The following SNRK variants were observed in gnomAD, a reference collection of about 807,000 sequenced individuals.
SNRK encodes SNF related kinase, also known as SNF-related serine/threonine-protein kinase.
A neutral mutation model predicts 48.2 loss-of-function variants in SNRK; 3 were observed. The observed-to-expected ratio is 0.06, with a 90% CI of 0.03 to 0.16. The LOEUF (loss-of-function observed/expected upper bound fraction) is 0.16. SNRK is among the 10% of genes least tolerant of loss of function. SNRK has a pLI of 1.00. For missense variants in SNRK, 627 were observed against 976.0 expected (o/e 0.64, Z 4.76); for synonymous variants, 376 against 366.1 (o/e 1.03, Z -0.31).
At chr3:43,306,967 G>T (rs2090942503) in intron 3 of SNRK, among the ~76,000 whole-genome samples, 1 of 152,058 alleles carries the variant, frequency 6.6e-6, no homozygotes, top group South Asian at 2.1e-4. Flanking sequence ...TTGATACATG[G>T]TAATTCATAC....
chr3:43,342,749 G>A (rs1326361466), intron 5 of SNRK, among the ~76,000 whole-genome samples: 3 of 152,178 alleles, frequency 2.0e-5, no homozygotes, highest in African/African-American at 4.8e-5. Flanking sequence ...AGCCAGACTA[G>A]GTACTCGGTG....
intron 3 of SNRK, among the ~76,000 whole-genome samples, chr3:43,327,475 GCT>G (rs2091104963): frequency 1.3e-5 from 2 of 152,230 alleles, no homozygotes; most frequent in South Asian, 4.1e-4. Context: ...TAGTTCTATT[GCT>G]TCTTTCATTA....
chr3:43,296,483 G>A (rs772448491), intron 1 of SNRK, among the ~76,000 whole-genome samples: 13 of 142,866 alleles, frequency 9.1e-5, no homozygotes, highest in African/African-American at 2.8e-4. Flanking sequence ...AATATTGGTC[G>A]TCTGATTTTG....
At position 43,340,462 on chromosome 3, in the gene SNRK, G is replaced by T. The variant is rs1313576307; in HGVS notation, c.907G>T (p.Val303Leu). 1 of 1,614,064 alleles carries T rather than the reference G, an allele frequency of 6.2e-7. No homozygotes were observed. Among genetic ancestry groups the T allele is most frequent in the Non-Finnish European group, 8.5e-7 (1 of 1,180,048 alleles). The change falls in exon 5 of 7, where the codon GTG becomes TTG. Residue 303 changes from valine to leucine, a missense_variant. Transcript: ENST00000296088. ...GCACAACAGCATCATTCAGCGCATGGTGCTTGGGGACATAGCGGATCGAGA... is the reference window on the plus strand; with the variant it reads ...GCACAACAGCATCATTCAGCGCATGTTGCTTGGGGACATAGCGGATCGAGA... ...EEHNSIIQRM[V>L]LGDIADRDAI...
rs572266238 is a variant in SNRK at position 43,343,170 on chromosome 3, TTGAG to T, written c.945-170_945-167del. Reference sequence around the variant, plus strand: ...TTTTTATGCAGTTGTTTTTAGAACTTTGAGTGACCTAAATAACTACTAGTTTGGT... The same window carrying T: ...TTTTTATGCAGTTGTTTTTAGAACTTTGACCTAAATAACTACTAGTTTGGT... On this transcript the variant is annotated intron_variant, in intron 5 of 6. Transcript: ENST00000296088. 3.3e-4 allele frequency: 241 copies of T among 730,518 alleles called. 2 individuals are homozygous for T. In the South Asian group the frequency reaches 5.6e-3, roughly 17 times the overall value. The allele number at this position is 730,518 out of a possible 1,614,324, so 45.3% of individuals were successfully genotyped here. A position where few individuals can be genotyped will look rare whatever the true frequency, so the allele number is the denominator to read the frequency against.
chr3:43,344,510 C>G (rs976909557), intron 6 of SNRK, among the ~76,000 whole-genome samples: 2 of 152,094 alleles, frequency 1.3e-5, no homozygotes, highest in Non-Finnish European at 2.9e-5. Flanking sequence ...AAGTTACTTG[C>G]AGTTGGCTCG....
intron 1 of SNRK, among the ~76,000 whole-genome samples, chr3:43,286,979 G>A (rs2090769922): frequency 6.8e-6 from 1 of 147,036 alleles, no homozygotes; most frequent in South Asian, 2.1e-4. Flanking sequence ...TGCCCTTGCG[G>A]CCGCGGCGGG....
At chr3:43,317,315 G>T (rs1356346212) in intron 3 of SNRK, among the ~76,000 whole-genome samples, 1 of 152,170 alleles carries the variant, frequency 6.6e-6, no homozygotes, top group African/African-American at 2.4e-5. Flanking sequence ...GATGTGGAAA[G>T]TTCCAGATGA....
rs2091290924 is a variant in SNRK at position 43,348,004 on chromosome 3, G to T, written c.1745G>T (p.Gly582Val). Reference sequence around the variant, plus strand: ...CCTGGCAGTGAGGGGGATGGCGGGGGCCAGAGCAAGCCAAGCAATGCCAGT... The same window carrying T: ...CCTGGCAGTGAGGGGGATGGCGGGGTCCAGAGCAAGCCAAGCAATGCCAGT... ...GPPGSEGDGG[G>V]QSKPSNASGG... The change falls in exon 7 of 7, where the codon GGC becomes GTC. Residue 582 changes from glycine (G) to valine (V), a missense_variant. Gly to Val is a moderately radical substitution (Grantham distance 109). Around this residue, in one of 4 missense-constraint regions of SNRK, gnomAD observed 98 missense variants for 175.2 expected, o/e 0.56. Coordinates refer to ENST00000296088, the MANE Select transcript of SNRK (RefSeq NM_017719.5). The T allele has an allele frequency of 1.2e-6, 2 of 1,612,820 alleles. No homozygotes were observed. The highest frequency in any genetic ancestry group is 1.7e-6 in the Non-Finnish European group (2 of 1,179,370).
intron 3 of SNRK, among the ~76,000 whole-genome samples, chr3:43,308,647 T>G (rs2090956127): frequency 6.6e-6 from 1 of 152,200 alleles, no homozygotes; most frequent in Admixed American, 6.5e-5. Context: ...AAAAAAACAT[T>G]CCTTTTAAAA....
At chr3:43,330,357 T>C (rs1164213919) in intron 3 of SNRK, among the ~76,000 whole-genome samples, 1 of 152,216 alleles carries the variant, frequency 6.6e-6, no homozygotes, top group Non-Finnish European at 1.5e-5. Context: ...GCATTTACTT[T>C]ACAGTGAATT....
chr3:43,324,364 C>T (rs113988997), intron 3 of SNRK, among the ~76,000 whole-genome samples: 29 of 152,230 alleles, frequency 1.9e-4, no homozygotes, highest in Non-Finnish European at 3.4e-4. Context: ...CAAAAATTAG[C>T]CAGGCCTGGT....
intron 3 of SNRK, among the ~76,000 whole-genome samples, chr3:43,313,601 A>T (rs938045406): frequency 1.3e-5 from 2 of 152,172 alleles, no homozygotes. Flanking sequence ...GTGATGGAGC[A>T]CTTCTGTGTC....
At position 43,348,626 on chromosome 3, in the gene SNRK, C is replaced by G. The variant is rs1379738828; in HGVS notation, c.*69C>G. The G allele has an allele frequency of 5.0e-6, 7 of 1,412,444 alleles. No individual in the cohort carries two copies. The African/African-American group carries it at 8.7e-5, about 18-fold the overall frequency. The allele number at this position is 1,412,444 out of a possible 1,614,324, so 87.5% of individuals were successfully genotyped here. On this transcript the variant is annotated 3_prime_UTR_variant, in exon 7 of 7. Transcript: ENST00000296088. ...GTGAAGACCGGCTCACTTCACTGTT[C>G]CATTTGGTTTTACTATTTTAAAGTG...
chr3:43,306,315 T>C (rs563656663), intron 3 of SNRK, among the ~76,000 whole-genome samples: 45 of 152,294 alleles, frequency 3.0e-4, no homozygotes, highest in African/African-American at 1.0e-3. Context: ...CACAAATGTT[T>C]AGTAAAATGA....
rs534170554 is a variant in SNRK at position 43,349,216 on chromosome 3, G to T, written c.*659G>T. ...AGATTTCCTTGTTTTTGTAATAGGTGAGATAAAGTACTTAGATTTATAAGG... is the reference window on the plus strand; with the variant it reads ...AGATTTCCTTGTTTTTGTAATAGGTTAGATAAAGTACTTAGATTTATAAGG... On this transcript the variant is annotated 3_prime_UTR_variant, in exon 7 of 7. Transcript: ENST00000296088. 1 of 152,660 alleles carries T rather than the reference G, an allele frequency of 6.6e-6. No individual in the cohort carries two copies. The highest frequency in any genetic ancestry group is 6.5e-5 in the Admixed American group (1 of 15,288). The allele number at this position is 152,660 out of a possible 1,614,324, so 9.5% of individuals were successfully genotyped here. A position where few individuals can be genotyped will look rare whatever the true frequency, so the allele number is the denominator to read the frequency against.
Position 43,347,881 on chromosome 3 carries a change from C to T in SNRK, c.1622C>T (p.Ser541Leu), listed in dbSNP as rs1396607962. 3 of 1,614,012 alleles carry T rather than the reference C, an allele frequency of 1.9e-6. No homozygotes were observed. The highest frequency in any genetic ancestry group is 1.3e-5 in the African/African-American group (1 of 74,912). ...SQGRGSSCSS[S>L]ETSDDDSESR... is the part of the protein sequence containing the mutation. ...GGCCGGGGCTCCAGCTGCAGTAGTTCGGAGACCAGTGATGATGATTCTGAA... is the reference window on the plus strand; with the variant it reads ...GGCCGGGGCTCCAGCTGCAGTAGTTTGGAGACCAGTGATGATGATTCTGAA... Residue 541 changes from serine to leucine, a missense_variant, in exon 7 of 7, where the codon TCG becomes TTG. Ser to Leu is a moderately radical substitution (Grantham distance 145, BLOSUM62 -2). Around this residue, in one of 4 missense-constraint regions of SNRK, gnomAD observed 98 missense variants for 175.2 expected, o/e 0.56. Transcript: ENST00000296088. The surrounding 1 kb of genome is among the most constrained non-coding windows in gnomAD (Gnocchi z 5.4).
chr3:43,305,774 C>T (rs1444555792), intron 3 of SNRK, among the ~76,000 whole-genome samples: 2 of 152,092 alleles, frequency 1.3e-5, no homozygotes, highest in South Asian at 2.1e-4. Flanking sequence ...CATGAGCCAC[C>T]GCACCCAGCC....
At chr3:43,302,408 G>T (rs1038950827) in intron 2 of SNRK, among the ~76,000 whole-genome samples, 3 of 152,054 alleles carry the variant, frequency 2.0e-5, no homozygotes, top group African/African-American at 7.2e-5. Flanking sequence ...TTGATTATAT[G>T]CTATTTGTAA....
Sources: allele counts gnomAD v4.1 joint callset (sites outside exome capture counted in the v4.1 genomes callset), GRCh38; gene constraint gnomAD v4.1.1; regional missense constraint gnomAD v4.1.1; non-coding constraint Gnocchi (gnomAD v3.1); transcripts MANE v1.5; gene names NCBI Gene and HGNC (gene_info 2026-07-23, HGNC 2026-07-21).